CYRIA: variants seen among roughly 807,000 people sequenced by gnomAD.
CYRIA encodes CYFIP related Rac1 interactor A.
Under a neutral mutation model 43.9 loss-of-function variants are expected in CYRIA, and 15 were observed. The ratio of observed to expected loss-of-function variants is 0.34; its 90% CI spans 0.23 to 0.53. The LOEUF (loss-of-function observed/expected upper bound fraction) is 0.53, where lower values mean the gene tolerates loss of function less well. Among genes scored for constraint, CYRIA ranks in the 20% least tolerant of loss-of-function variants. The pLI, the probability that CYRIA is intolerant of heterozygous loss-of-function variation, is 0.94. For missense variants in CYRIA, 236 were observed against 394.2 expected, an observed-to-expected ratio of 0.60 and a Z score of 3.40; for synonymous variants, 117 against 136.0, an observed-to-expected ratio of 0.86 and a Z score of 0.97.
Position 16,549,637 on chromosome 2 carries a change from GT to G in CYRIA, c.*3298del, listed in dbSNP as rs758631627. ...CGTAGTGAGAAAACTGGGTTCCAAG[GT>G]TTTGAACTCTTTAAGACAAAATTCC... On this transcript the variant is annotated 3_prime_UTR_variant, in exon 12 of 12. Coordinates refer to ENST00000381323, the MANE Select transcript of CYRIA (RefSeq NM_030797.4). 3.3e-5 allele frequency: 5 copies of G among 151,984 alleles called. No homozygotes were observed. Among genetic ancestry groups the G allele is most frequent in the Non-Finnish European group, 7.4e-5 (5 of 67,996 alleles). 9.4% of individuals were successfully genotyped at this position (151,984 alleles called of 1,614,324 possible).
At chr2:16,609,657 C>T in intron 2 of CYRIA, among the ~76,000 whole-genome samples, 1 of 152,280 alleles carries the variant, frequency 6.6e-6, no homozygotes, top group African/African-American at 2.4e-5. Context: ...AAGTATATAT[C>T]ATCATTTATT....
intron 1 of CYRIA, among the ~76,000 whole-genome samples, chr2:16,659,790 A>G (rs1670200464): frequency 6.6e-6 from 1 of 152,256 alleles, no homozygotes; most frequent in South Asian, 2.1e-4. Context: ...GGAATCATCA[A>G]ACCAAATAAT....
intron 5 of CYRIA, among the ~76,000 whole-genome samples, chr2:16,563,720 A>G (rs1270673313): frequency 6.6e-6 from 1 of 152,198 alleles, no homozygotes; most frequent in Non-Finnish European, 1.5e-5. Context: ...CAGTAAAACT[A>G]TTAAGAATTG....
chr2:16,665,414 G>C (rs1286165670), intron 1 of CYRIA, among the ~76,000 whole-genome samples: 1 of 151,960 alleles, frequency 6.6e-6, no homozygotes, highest in Non-Finnish European at 1.5e-5. Context: ...CGGGTGGTGG[G>C]AAGGGGAGTG....
intron 2 of CYRIA, among the ~76,000 whole-genome samples, chr2:16,590,068 GCA>G (rs70961461): frequency 0.3 from 43,977 of 147,060 alleles, 6,979 homozygotes; most frequent in African/African-American, 0.41. Context: ...GGGCATGCAT[GCA>G]CACACACACA....
intron 1 of CYRIA, among the ~76,000 whole-genome samples, chr2:16,637,892 GT>G (rs1395000194): frequency 6.6e-6 from 1 of 152,208 alleles, no homozygotes; most frequent in Non-Finnish European, 1.5e-5. Context: ...GCAGAAGGGT[GT>G]CTGATCCTGA....
rs371395747 is a variant in CYRIA, at chr2:16,594,127, T to C, written c.-10-5998A>G. On this transcript the variant is annotated intron_variant, in intron 2 of 11. Transcript: ENST00000381323. ...CACATTTTCTTAATCCAGTCTATCA[T>C]TGTTGGACATTTGGGTTGGTTCCAA... is the stretch of plus-strand genomic sequence containing the variant. Among the ~76,000 whole-genome samples the C allele has an allele frequency of 2.6e-4, 5 of 19,520 alleles. No homozygotes were observed. In the East Asian group the frequency reaches 6.0e-3, roughly 24 times the overall value. 12.8% of individuals were successfully genotyped at this position (19,520 alleles called of 152,430 possible). A position where few individuals can be genotyped will look rare whatever the true frequency, so the allele number is the denominator to read the frequency against.
chr2:16,655,575 G>A (rs1240221728), intron 1 of CYRIA, among the ~76,000 whole-genome samples: 5 of 152,282 alleles, frequency 3.3e-5, no homozygotes, highest in East Asian at 1.9e-4. Context: ...ACTCTGCTAA[G>A]CCCTGCTTGG....
At chr2:16,566,951 G>A (rs778066979) in intron 3 of CYRIA, among the ~76,000 whole-genome samples, 1 of 152,184 alleles carries the variant, frequency 6.6e-6, no homozygotes, top group East Asian at 1.9e-4. Flanking sequence ...AGATCCTGAG[G>A]CACAGCATGC....
At chr2:16,651,314 T>C (rs1669970594) in intron 1 of CYRIA, among the ~76,000 whole-genome samples, 1 of 152,200 alleles carries the variant, frequency 6.6e-6, no homozygotes, top group African/African-American at 2.4e-5. Context: ...TCATATCAAC[T>C]ACATTAAATT....
At chr2:16,577,190 AAAG>A (rs1667383007) in intron 3 of CYRIA, among the ~76,000 whole-genome samples, 1 of 152,180 alleles carries the variant, frequency 6.6e-6, no homozygotes, top group African/African-American at 2.4e-5. Flanking sequence ...ATAAAAAAGA[AAAG>A]AAACATAATC....
chr2:16,582,875 C>A (rs1572479030), intron 3 of CYRIA, among the ~76,000 whole-genome samples: 1 of 152,260 alleles, frequency 6.6e-6, no homozygotes, highest in African/African-American at 2.4e-5. Context: ...GCATATACAT[C>A]TAGGAGTGGA....
intron 3 of CYRIA, among the ~76,000 whole-genome samples, chr2:16,574,913 T>A (rs1667279240): frequency 6.6e-6 from 1 of 152,088 alleles, no homozygotes; most frequent in Non-Finnish European, 1.5e-5. Context: ...AGTGAAGCTG[T>A]GAGAAGAGGG....
At chr2:16,562,413 T>C (rs1666769758) in intron 5 of CYRIA, among the ~76,000 whole-genome samples, 1 of 152,162 alleles carries the variant, frequency 6.6e-6, no homozygotes, top group South Asian at 2.1e-4. Context: ...GTAATCTCAA[T>C]TTCTGACACT....
intron 3 of CYRIA, among the ~76,000 whole-genome samples, chr2:16,577,401 T>C (rs1667391238): frequency 6.6e-6 from 1 of 152,110 alleles, no homozygotes; most frequent in African/African-American, 2.4e-5. Flanking sequence ...GAAGTAAAAT[T>C]CACAAAGAAT....
chr2:16,617,755 C>T (rs1239894277), intron 2 of CYRIA, among the ~76,000 whole-genome samples: 1 of 152,210 alleles, frequency 6.6e-6, no homozygotes, highest in Middle Eastern at 3.2e-3. Flanking sequence ...AAACTCCACA[C>T]CAGGGTCCTG....
At chr2:16,621,840 T>G (rs150183742) in intron 2 of CYRIA, among the ~76,000 whole-genome samples, 3 of 152,218 alleles carry the variant, frequency 2.0e-5, no homozygotes, top group African/African-American at 7.2e-5. Flanking sequence ...ATTTTTTTCA[T>G]AGCACCTAAT....
chr2:16,591,783 G>A (rs1667939905), intron 2 of CYRIA, among the ~76,000 whole-genome samples: 1 of 152,022 alleles, frequency 6.6e-6, no homozygotes, highest in African/African-American at 2.4e-5. Context: ...GAGCTCCCTA[G>A]GAGGACTTTA....
intron 10 of CYRIA, 35 bp downstream of exon 10, chr2:16,559,425 C>G: frequency 1.9e-6 from 3 of 1,602,720 alleles, no homozygotes; most frequent in Non-Finnish European, 2.6e-6. Context: ...TTCATGGGCC[C>G]TTATTTGGAA....
Sources: gnomAD v4.1 joint callset for allele counts (sites outside exome capture counted in the v4.1 genomes callset) on GRCh38, gnomAD v4.1.1 for gene constraint, MANE v1.5 for transcripts, NCBI Gene and HGNC (gene_info 2026-07-23, HGNC 2026-07-21) for gene names.